The following DDR2 variants were observed in gnomAD, a reference collection of about 807,000 sequenced individuals.
The protein encoded by DDR2 is discoidin domain receptor tyrosine kinase 2, also known as discoidin domain-containing receptor 2.
A neutral mutation model predicts 94.9 loss-of-function variants in DDR2; 27 were observed. The ratio of observed to expected loss-of-function variants is 0.28; its 90% CI spans 0.21 to 0.39. The LOEUF is 0.39. DDR2 is among the 10% of genes least tolerant of loss of function. The probability of loss-of-function intolerance (pLI) is 1.00; values close to 1 mark genes in which losing one functional copy is unlikely to be tolerated. For missense variants in DDR2, 783 were observed against 1,076.0 expected, an observed-to-expected ratio of 0.73 and a Z score of 3.81; for synonymous variants, 382 against 377.2, an observed-to-expected ratio of 1.01 and a Z score of -0.15.
chr1:162,716,636 G>A (rs1331602745), intron 2 of DDR2, among the ~76,000 whole-genome samples: 4 of 151,678 alleles, frequency 2.6e-5, no homozygotes, highest in Non-Finnish European at 5.9e-5. Context: ...TCACTATGGG[G>A]CCATTTAAAT....
intron 2 of DDR2, among the ~76,000 whole-genome samples, chr1:162,673,616 A>T (rs1019654278): frequency 5.0e-5 from 6 of 119,664 alleles, no homozygotes; most frequent in African/African-American, 1.6e-4. Context: ...TGTGAGAGAG[A>T]GAGAGAGAGA....
At chr1:162,727,396 ATG>A (rs1053376878) in intron 3 of DDR2, among the ~76,000 whole-genome samples, 1 of 144,572 alleles carries the variant, frequency 6.9e-6, no homozygotes, top group African/African-American at 2.5e-5. Context: ...ATCTATATTT[ATG>A]TGTGTATATT....
chr1:162,762,088 A>G (rs1663775616), intron 9 of DDR2, among the ~76,000 whole-genome samples: 1 of 152,162 alleles, frequency 6.6e-6, no homozygotes, highest in Non-Finnish European at 1.5e-5. Flanking sequence ...CTGTCCATCA[A>G]TGTCTTAATT....
intron 3 of DDR2, among the ~76,000 whole-genome samples, chr1:162,730,058 C>CTAA (rs1661953788): frequency 6.2e-5 from 4 of 64,176 alleles, no homozygotes; most frequent in Non-Finnish European, 9.3e-5. Context: ...TTTTTTTTTG[C>CTAA]AAAAAAAAAA....
intron 2 of DDR2, among the ~76,000 whole-genome samples, chr1:162,715,349 G>A (rs1044057251): frequency 1.3e-5 from 2 of 152,120 alleles, no homozygotes; most frequent in Non-Finnish European, 2.9e-5. Context: ...TATGTTTTTA[G>A]AGCATGTAAC....
At chr1:162,733,186 CA>C (rs1240625734) in intron 3 of DDR2, among the ~76,000 whole-genome samples, 5 of 152,186 alleles carry the variant, frequency 3.3e-5, no homozygotes, top group Non-Finnish European at 7.3e-5. Context: ...CATGATAGAA[CA>C]AAGACAGACT....
intron 2 of DDR2, among the ~76,000 whole-genome samples, chr1:162,715,333 A>G (rs895170418): frequency 1.3e-5 from 2 of 152,204 alleles, no homozygotes; most frequent in African/African-American, 4.8e-5. Flanking sequence ...TTCTATATAG[A>G]AACATTATGT....
At chr1:162,721,250 C>A (rs1661407476) in intron 3 of DDR2, among the ~76,000 whole-genome samples, 1 of 152,134 alleles carries the variant, frequency 6.6e-6, no homozygotes, top group Admixed American at 6.5e-5. Flanking sequence ...GTGTTAGAGT[C>A]CACACTGTGG....
chr1:162,761,180 C>G (rs765289695), intron 8 of DDR2, 31 bp from the exon 9 acceptor site: 2 of 1,613,560 alleles, frequency 1.2e-6, no homozygotes, highest in Non-Finnish European at 1.7e-6. Context: ...GCAGGGCCAA[C>G]CTATCACTCA....
chr1:162,645,485 A>C (rs551614023), intron 1 of DDR2, among the ~76,000 whole-genome samples: 19 of 152,330 alleles, frequency 1.2e-4, no homozygotes, highest in Non-Finnish European at 1.9e-4. Flanking sequence ...TATAACTATG[A>C]AACCCAATAA....
intron 2 of DDR2, among the ~76,000 whole-genome samples, chr1:162,698,045 T>A (rs575888114): frequency 1.6e-4 from 25 of 152,344 alleles, no homozygotes; most frequent in African/African-American, 5.8e-4. Context: ...TCAACAAGAC[T>A]GAGAAGAGAA....
rs1255019252 is a variant in DDR2, at chr1:162,754,665, T to C, written c.227T>C (p.Ile76Thr). 1.2e-6 allele frequency: 2 copies of C among 1,614,034 alleles called. No individual in the cohort carries two copies. Among genetic ancestry groups the C allele is most frequent in the Admixed American group, 3.3e-5 (2 of 59,994 alleles). Reference sequence around the variant, plus strand: ...GGGGATGGAGCCTGGTGCCCTGAGATTCCAGTGGAACCTGATGACCTGAAG... The same window carrying C: ...GGGGATGGAGCCTGGTGCCCTGAGACTCCAGTGGAACCTGATGACCTGAAG... ...EEGDGAWCPE[I>T]PVEPDDLKEF... The change falls in exon 5 of 18, where the codon ATT becomes ACT. Residue 76 changes from isoleucine to threonine, a missense_variant. Transcript: ENST00000367921.
intron 14 of DDR2, 82 bp from the exon 15 acceptor site, chr1:162,775,570 A>C: frequency 3.7e-5 from 51 of 1,385,586 alleles, no homozygotes; most frequent in Non-Finnish European, 5.0e-5. Flanking sequence ...ATGTCCAGGA[A>C]TAGGCCTTGG....
At chr1:162,738,092 G>A (rs1662406644) in intron 3 of DDR2, among the ~76,000 whole-genome samples, 1 of 148,762 alleles carries the variant, frequency 6.7e-6, no homozygotes. Flanking sequence ...ACATTGTGTT[G>A]GAAGTTCTGG....
chr1:162,724,135 G>T (rs1483809278), intron 3 of DDR2, among the ~76,000 whole-genome samples: 1 of 152,160 alleles, frequency 6.6e-6, no homozygotes. Context: ...GTCAAAGCAG[G>T]TGAGTGATTT....
intron 1 of DDR2, among the ~76,000 whole-genome samples, chr1:162,644,366 A>G (rs1211690004): frequency 6.6e-6 from 1 of 152,210 alleles, no homozygotes; most frequent in African/African-American, 2.4e-5. Context: ...ACTCAGCTAC[A>G]GTTTCTCAGA....
intron 1 of DDR2, among the ~76,000 whole-genome samples, chr1:162,645,541 C>T (rs1558002382): frequency 1.3e-5 from 2 of 152,148 alleles, no homozygotes; most frequent in South Asian, 2.1e-4. Context: ...TTTGTTGAAA[C>T]TAATCACTAG....
At chr1:162,697,242 T>TAA (rs56881437) in intron 2 of DDR2, among the ~76,000 whole-genome samples, 3 of 151,288 alleles carry the variant, frequency 2.0e-5, no homozygotes, top group Admixed American at 6.6e-5. Context: ...TAGAGACACT[T>TAA]AAAAAAAAAT....
chr1:162,716,075 T>G (rs1661155157), intron 2 of DDR2, among the ~76,000 whole-genome samples: 1 of 151,798 alleles, frequency 6.6e-6, no homozygotes, highest in African/African-American at 2.4e-5. Flanking sequence ...TTGAAGTTAA[T>G]GATTAAATGG....
Sources: allele counts gnomAD v4.1 joint callset (sites outside exome capture counted in the v4.1 genomes callset), GRCh38; gene constraint gnomAD v4.1.1; transcripts MANE v1.5; gene names NCBI Gene and HGNC (gene_info 2026-07-23, HGNC 2026-07-21).